ACSM6: variants seen among roughly 807,000 people sequenced by gnomAD.
ACSM6 encodes the protein acyl-CoA synthetase medium chain family member 6.
ACSM6 carries 35 observed loss-of-function variants against 51.1 expected under a neutral mutation model. The observed-to-expected ratio is 0.69, with a 90% CI of 0.52 to 0.91. The LOEUF is 0.91. Among genes scored for constraint, ACSM6 ranks in the 40% least tolerant of loss-of-function variants. ACSM6 has a pLI of 0.00. For missense variants in ACSM6, 509 were observed against 584.1 expected (o/e 0.87, Z 1.32); for synonymous variants, 172 against 207.3 (o/e 0.83, Z 1.46).
At chr10:95,228,523 G>A (rs2133398844) in intron 10 of ACSM6, 121 bp from the exon 11 acceptor site, 1 of 971,692 alleles carries the variant, frequency 1.0e-6, no homozygotes, top group Non-Finnish European at 1.4e-6. Flanking sequence ...CCCCTGGAGA[G>A]TGGGGATCCT....
chr10:95,212,445 A>G (rs947072499), intron 6 of ACSM6, among the ~76,000 whole-genome samples: 1 of 152,238 alleles, frequency 6.6e-6, no homozygotes, highest in Admixed American at 6.5e-5. Flanking sequence ...AGGCAGAACT[A>G]GGAATTAAAC....
exon 2 of ACSM6, chr10:95,194,561 C>A: frequency 6.4e-7 from 1 of 1,551,906 alleles, no homozygotes; most frequent in Non-Finnish European, 8.7e-7. Flanking sequence ...CTATCCAAAC[C>A]AAAAATGTGC....
intron 9 of ACSM6, among the ~76,000 whole-genome samples, chr10:95,222,810 T>G (rs2035005848): frequency 1.3e-5 from 2 of 152,022 alleles, no homozygotes; most frequent in South Asian, 2.1e-4. Flanking sequence ...ATTACATACT[T>G]AAAATCTTGC....
In ACSM6 at chr10:95,219,958, CT is replaced by C; in HGVS notation, c.1189del (p.Tyr397IlefsTer25). 1 of 1,611,140 alleles carries C rather than the reference CT, an allele frequency of 6.2e-7. No individual in the cohort carries two copies. The highest frequency in any genetic ancestry group is 1.3e-5 in the African/African-American group (1 of 74,930). ...AGCTCTCTGGGGAAGCCATTGCCAC[CT>C]TATATTGTCCAGGTAGGAGATCATA... On this transcript the variant is annotated frameshift_variant, in exon 9 of 11. Coordinates refer to ENST00000341686, the Ensembl canonical transcript of ACSM6. LOFTEE classifies it high-confidence loss of function.
intron 10 of ACSM6, 118 bp from the exon 11 acceptor site, chr10:95,228,524 TGG>T (rs2035063582): frequency 1.0e-6 from 1 of 974,836 alleles, no homozygotes. Flanking sequence ...CCCTGGAGAG[TGG>T]GGATCCTGAC....
intron 2 of ACSM6, among the ~76,000 whole-genome samples, chr10:95,194,983 T>C (rs1564584767): frequency 1.3e-5 from 2 of 152,316 alleles, no homozygotes; most frequent in East Asian, 3.9e-4. Flanking sequence ...GTCGAGAAGA[T>C]TAAATGAGAC....
chr10:95,211,459 C>T (rs2034891951), intron 5 of ACSM6, among the ~76,000 whole-genome samples: 1 of 152,202 alleles, frequency 6.6e-6, no homozygotes, highest in African/African-American at 2.4e-5. Flanking sequence ...ACACAAAGGT[C>T]CCTTAGCGGA....
chr10:95,228,018 G>A (rs2035057306), intron 10 of ACSM6, among the ~76,000 whole-genome samples: 1 of 151,938 alleles, frequency 6.6e-6, no homozygotes, highest in Admixed American at 6.6e-5. Flanking sequence ...TTGGCAGTGA[G>A]CCGACATCAC....
intron 3 of ACSM6, among the ~76,000 whole-genome samples, chr10:95,203,857 TAAAAAAA>T (rs34969526): frequency 3.1e-4 from 33 of 106,856 alleles, no homozygotes; most frequent in Middle Eastern, 5.3e-3. Flanking sequence ...ATGCTAGATT[TAAAAAAA>T]AAAAAAAAAA....
At chr10:95,214,556 C>T (rs1172840572) in intron 7 of ACSM6, among the ~76,000 whole-genome samples, 2 of 152,186 alleles carry the variant, frequency 1.3e-5, no homozygotes. Flanking sequence ...GGTAATAAAA[C>T]TCAGAAGGGT....
intron 9 of ACSM6, among the ~76,000 whole-genome samples, chr10:95,223,622 C>A (rs1181069524): frequency 6.6e-6 from 1 of 151,940 alleles, no homozygotes; most frequent in Non-Finnish European, 1.5e-5. Context: ...AAATCTAACA[C>A]CAACACCTAT....
exon 4 of ACSM6, chr10:95,207,280 C>T (rs1564588067): frequency 6.2e-7 from 1 of 1,613,990 alleles, no homozygotes; most frequent in Non-Finnish European, 8.5e-7. Context: ...ATGTCTAAGG[C>T]CCAGTGCATT....
chr10:95,213,231 T>C (rs2034912555), intron 7 of ACSM6, among the ~76,000 whole-genome samples: 1 of 152,144 alleles, frequency 6.6e-6, no homozygotes, highest in East Asian at 1.9e-4. Context: ...AAGACAAATA[T>C]ACTACCTTTA....
intron 9 of ACSM6, 147 bp from the exon 10 acceptor site, chr10:95,225,143 G>T: frequency 1.6e-6 from 1 of 625,208 alleles, no homozygotes; most frequent in Admixed American, 2.9e-5. Context: ...CTGCCTCTTA[G>T]GTTGCCCAGT....
At chr10:95,218,884 TC>T (rs71034322) in intron 8 of ACSM6, among the ~76,000 whole-genome samples, 79,707 of 151,978 alleles carry the variant, frequency 0.52, 21,826 homozygotes, top group Middle Eastern at 0.66. Flanking sequence ...ATCTGGGGGC[TC>T]CCAATTTGTT....
At position 95,228,548 on chromosome 10, in the gene ACSM6, A is replaced by G. The variant is rs996989313; in HGVS notation, c.1303-96A>G. 1.7e-5 allele frequency: 21 copies of G among 1,235,450 alleles called. No individual in the cohort carries two copies. The African/African-American group carries it at 2.5e-4, about 15-fold the overall frequency. 76.5% of individuals were successfully genotyped at this position (1,235,450 alleles called of 1,614,324 possible). On this transcript the variant is annotated intron_variant, in intron 10 of 10. Coordinates refer to ENST00000341686, the Ensembl canonical transcript of ACSM6. ...GTGGGGATCCTGACTTATTTTTCTC[A>G]GTCTCCCCTGGGGCTAGCCAGAGTG...
intron 1 of ACSM6, 32 bp downstream of exon 1, chr10:95,194,335 A>G (rs2034704411): frequency 2.8e-6 from 2 of 702,026 alleles, no homozygotes; most frequent in East Asian, 2.7e-5. Context: ...CTTCTTCTCC[A>G]ATGATCTGAC....
intron 9 of ACSM6, among the ~76,000 whole-genome samples, chr10:95,224,601 T>C (rs923898060): frequency 3.3e-5 from 5 of 152,184 alleles, no homozygotes; most frequent in African/African-American, 9.7e-5. Flanking sequence ...GGTTTCTCCA[T>C]GTTGGTCAGG....
chr10:95,228,193 G>C (rs1409761050), intron 10 of ACSM6: 1 of 153,464 alleles, frequency 6.5e-6, no homozygotes, highest in African/African-American at 2.4e-5. Flanking sequence ...AGAACCTTTA[G>C]CTGAAGCCAC....
Sources: allele counts gnomAD v4.1 joint callset (sites outside exome capture counted in the v4.1 genomes callset), GRCh38; gene constraint gnomAD v4.1.1; transcripts MANE v1.5; gene names NCBI Gene and HGNC (gene_info 2026-07-23, HGNC 2026-07-21).